Variants in ELMO1 observed in about 807,000 individuals in gnomAD.
ELMO1 encodes the protein engulfment and cell motility protein 1.
In ELMO1, 26 loss-of-function variants were observed where a neutral mutation model predicts 98.9. The observed-to-expected ratio is 0.26, with a 90% CI of 0.19 to 0.36. The LOEUF (loss-of-function observed/expected upper bound fraction) is 0.36, where lower values mean the gene tolerates loss of function less well. Among genes scored for constraint, ELMO1 ranks in the 10% least tolerant of loss-of-function variants. The probability of loss-of-function intolerance (pLI) is 1.00; values close to 1 mark genes in which losing one functional copy is unlikely to be tolerated. For synonymous variants in ELMO1, 346 were observed against 346.0 expected (o/e 1.00, Z 0.00); for missense variants, 627 against 935.2 (o/e 0.67, Z 4.30).
chr7:37,155,731 T>G (rs1430468521), intron 13 of ELMO1, among the ~76,000 whole-genome samples: 1 of 152,052 alleles, frequency 6.6e-6, no homozygotes, highest in Non-Finnish European at 1.5e-5. Context: ...AATGGGAGAC[T>G]TTAACACCTC....
At chr7:37,297,171 C>T (rs938313730) in intron 4 of ELMO1, among the ~76,000 whole-genome samples, 1 of 152,188 alleles carries the variant, frequency 6.6e-6, no homozygotes, top group East Asian at 1.9e-4. Context: ...ATAAAGCTTG[C>T]CTTCACTGTG....
intron 20 of ELMO1, 188 bp from the exon 21 acceptor site, chr7:36,861,924 G>T: frequency 1.6e-6 from 1 of 610,894 alleles, no homozygotes. Context: ...CTCCATTCAC[G>T]GCGGTCTGTG....
At chr7:36,947,695 C>T (rs1787615184) in intron 16 of ELMO1, among the ~76,000 whole-genome samples, 1 of 152,114 alleles carries the variant, frequency 6.6e-6, no homozygotes, top group South Asian at 2.1e-4. Context: ...TTATACGAGG[C>T]CCTTCCTAAG....
chr7:37,260,845 T>C (rs183589122), intron 5 of ELMO1, among the ~76,000 whole-genome samples: 9 of 152,292 alleles, frequency 5.9e-5, no homozygotes, highest in Admixed American at 2.0e-4. Flanking sequence ...CACTCAAATA[T>C]TAAAAGGGAG....
intron 16 of ELMO1, among the ~76,000 whole-genome samples, chr7:36,904,892 T>C (rs1410454939): frequency 6.6e-6 from 1 of 152,138 alleles, no homozygotes; most frequent in African/African-American, 2.4e-5. Flanking sequence ...GAGAGTCAAA[T>C]TGAAATACAG....
At chr7:37,220,268 A>C (rs1425316289) in intron 10 of ELMO1, among the ~76,000 whole-genome samples, 1 of 152,210 alleles carries the variant, frequency 6.6e-6, no homozygotes, top group Non-Finnish European at 1.5e-5. Flanking sequence ...TAATTTCAAG[A>C]GTTTATAGTT....
intron 16 of ELMO1, among the ~76,000 whole-genome samples, chr7:36,914,496 A>G (rs1290403780): frequency 6.6e-6 from 1 of 151,746 alleles, no homozygotes; most frequent in Non-Finnish European, 1.5e-5. Flanking sequence ...GTAAGGTACT[A>G]TATGAAATGA....
chr7:36,943,959 T>C (rs780579605), intron 16 of ELMO1, among the ~76,000 whole-genome samples: 1 of 152,038 alleles, frequency 6.6e-6, no homozygotes, highest in Non-Finnish European at 1.5e-5. Context: ...ATTTAAAAAA[T>C]GATCAGGAAA....
chr7:37,287,017 AC>A (rs1797425036), intron 4 of ELMO1, among the ~76,000 whole-genome samples: 3 of 152,150 alleles, frequency 2.0e-5, no homozygotes, highest in South Asian at 4.2e-4. Context: ...ATACGGTGAA[AC>A]CCTGTCTCTA....
At chr7:37,400,360 G>A (rs959395489) in intron 1 of ELMO1, among the ~76,000 whole-genome samples, 2 of 151,990 alleles carry the variant, frequency 1.3e-5, no homozygotes, top group African/African-American at 4.8e-5. Flanking sequence ...TGAAGCCACT[G>A]GAGTTATTTC....
intron 2 of ELMO1, among the ~76,000 whole-genome samples, chr7:37,328,114 G>T (rs180836136): frequency 6.0e-4 from 91 of 152,230 alleles, no homozygotes; most frequent in African/African-American, 2.0e-3. Context: ...CAGGCACAGT[G>T]GCTCATGCCT....
intron 1 of ELMO1, among the ~76,000 whole-genome samples, chr7:37,409,696 T>C (rs1283072620): frequency 1.3e-5 from 2 of 152,210 alleles, no homozygotes. Flanking sequence ...TTCCAAGAGC[T>C]ACACTGCAGA....
At chr7:37,403,933 C>G (rs926778207) in intron 1 of ELMO1, among the ~76,000 whole-genome samples, 2 of 152,042 alleles carry the variant, frequency 1.3e-5, no homozygotes. Flanking sequence ...ATAATGGATA[C>G]TAGTTTAATT....
intron 1 of ELMO1, among the ~76,000 whole-genome samples, chr7:37,439,957 C>T (rs970525346): frequency 5.3e-5 from 8 of 152,018 alleles, no homozygotes; most frequent in African/African-American, 1.4e-4. Flanking sequence ...CTTCTAAAGG[C>T]CTTTCATTAT....
intron 13 of ELMO1, among the ~76,000 whole-genome samples, chr7:37,136,557 G>C (rs1415755024): frequency 6.6e-6 from 1 of 152,178 alleles, no homozygotes; most frequent in East Asian, 1.9e-4. Context: ...AGAAGGGACT[G>C]AGGTCCTATT....
chr7:36,999,963 C>T (rs1443497958), intron 16 of ELMO1, among the ~76,000 whole-genome samples: 1 of 152,176 alleles, frequency 6.6e-6, no homozygotes, highest in Non-Finnish European at 1.5e-5. Flanking sequence ...TTATCTTTTA[C>T]TCACAGCCTT....
chr7:37,095,092 G>A (rs944812262), intron 15 of ELMO1, among the ~76,000 whole-genome samples: 7 of 152,186 alleles, frequency 4.6e-5, no homozygotes, highest in African/African-American at 1.7e-4. Context: ...GCCAAAGGTT[G>A]TCATCAGAAA....
At chr7:37,398,366 T>G (rs12669698) in intron 1 of ELMO1, among the ~76,000 whole-genome samples, 66 of 152,122 alleles carry the variant, frequency 4.3e-4, no homozygotes, top group African/African-American at 1.5e-3. Flanking sequence ...TATATATTCA[T>G]GGAAATGTAA....
chr7:37,286,875 CCAAA>C (rs760002130), intron 4 of ELMO1, among the ~76,000 whole-genome samples: 9 of 152,102 alleles, frequency 5.9e-5, no homozygotes, highest in South Asian at 2.1e-4. Context: ...TGCAAAGAAA[CCAAA>C]CAGTTATCCA....
Sources: gnomAD v4.1 joint callset for allele counts (sites outside exome capture counted in the v4.1 genomes callset) on GRCh38, gnomAD v4.1.1 for gene constraint, MANE v1.5 for transcripts, NCBI Gene and HGNC (gene_info 2026-07-23, HGNC 2026-07-21) for gene names.